SAA4: variants seen among roughly 807,000 people sequenced by gnomAD.
SAA4 encodes the protein serum amyloid A-4 protein.
A neutral mutation model predicts 11.2 loss-of-function variants in SAA4; 8 were observed. That is an observed-to-expected ratio of 0.71 (90% CI 0.42 to 1.29). The LOEUF (loss-of-function observed/expected upper bound fraction) is 1.29. Among genes scored for constraint, SAA4 ranks in the 50% most tolerant of loss-of-function variants. The pLI is 0.01. For synonymous variants in SAA4, 60 were observed against 56.2 expected (o/e 1.07, Z -0.30); for missense variants, 171 against 164.2 (o/e 1.04, Z -0.23).
At chr11:18,233,662 A>G (rs1418488489) in intron 2 of SAA4, among the ~76,000 whole-genome samples, 1 of 149,058 alleles carries the variant, frequency 6.7e-6, no homozygotes, top group Non-Finnish European at 1.5e-5. Context: ...CAGGCACCTA[A>G]TAACACACCC....
chr11:18,235,449 CTCTCT>C lies in SAA4; in HGVS notation c.91+382_91+386del, dbSNP rs548308964. On this transcript the variant is annotated intron_variant, in intron 2 of 3. Coordinates refer to ENST00000278222, the MANE Select transcript of SAA4 (RefSeq NM_006512.4). The stretch of plus-strand genomic sequence containing the variant: ...TTGGGTACAGGATGGGATTTCTCTA[CTCTCT>C]GCTAGGCATGTCTCAGTCTTGGAGT... 1.1e-4 allele frequency among the ~76,000 whole-genome samples: 17 copies of C among 152,324 alleles called. No individual in the cohort carries two copies. In the East Asian group the frequency reaches 3.3e-3, roughly 29 times the overall value.
Position 18,231,413 on chromosome 11 carries a change from C to A in SAA4, c.*89G>T. 1 of 1,537,166 alleles carries A rather than the reference C, an allele frequency of 6.5e-7. No homozygotes were observed. The highest frequency in any genetic ancestry group is 1.3e-5 in the South Asian group (1 of 77,562). On this transcript the variant is annotated 3_prime_UTR_variant, in exon 4 of 4. Coordinates refer to ENST00000278222, the MANE Select transcript of SAA4 (RefSeq NM_006512.4). ...GGTGCCCTATACCAGTTCCTGGGGA[C>A]ACAAAGCTCAGTGACCCTGTGTCCC...
intron 2 of SAA4, among the ~76,000 whole-genome samples, chr11:18,233,678 A>ATTTTT: frequency 7.1e-6 from 1 of 140,684 alleles, no homozygotes; most frequent in African/African-American, 2.6e-5. Flanking sequence ...CACCCAGCTA[A>ATTTTT]TTTTTTTTTT....
intron 1 of SAA4, 132 bp from the exon 2 acceptor site, chr11:18,236,062 CTCCCTTTCTTTCTTTCT>C (rs1394183784): frequency 9.5e-6 from 9 of 944,784 alleles, no homozygotes; most frequent in Non-Finnish European, 1.4e-5. Flanking sequence ...TCTTTCTTTC[CTCCCTTTCTTTCTTTCT>C]TTTTTTTTTC....
At chr11:18,235,028 C>T (rs1307555119) in intron 2 of SAA4, among the ~76,000 whole-genome samples, 1 of 152,126 alleles carries the variant, frequency 6.6e-6, no homozygotes, top group Non-Finnish European at 1.5e-5. Flanking sequence ...ATACACTGAC[C>T]TAAGGGAAAA....
intron 3 of SAA4, among the ~76,000 whole-genome samples, 159 bp downstream of exon 3, chr11:18,232,236 G>T (rs528837532): frequency 1.8e-4 from 27 of 152,226 alleles, no homozygotes; most frequent in Non-Finnish European, 1.9e-4. Context: ...TCCCTTGTGG[G>T]TGAAAGGAGA....
Position 18,231,459 on chromosome 11 carries a change from T to G in SAA4, c.*43A>C. 1 of 1,593,488 alleles carries G rather than the reference T, an allele frequency of 6.3e-7. No homozygotes were observed. Among genetic ancestry groups the G allele is most frequent in the East Asian group, 2.2e-5 (1 of 44,822 alleles). On this transcript the variant is annotated 3_prime_UTR_variant, in exon 4 of 4. Coordinates refer to ENST00000278222, the MANE Select transcript of SAA4 (RefSeq NM_006512.4). ...GTCCCTGTCTGGGGGGAGAAGTGTG[T>G]GGCTCACAGCCCAGTTTCCCTGAGA...
intron 1 of SAA4, 97 bp from the exon 2 acceptor site, chr11:18,236,027 TC>T: frequency 8.1e-7 from 1 of 1,227,532 alleles, no homozygotes; most frequent in African/African-American, 1.6e-5. Context: ...TTTCTTTTTT[TC>T]CTTTTCTTTC....
rs146072546 is a variant in SAA4 at position 18,231,540 on chromosome 11, C to G, written c.355G>C (p.Asp119His). Residue 119 changes from aspartate to histidine, a missense_variant, in exon 4 of 4, where the codon GAC becomes CAC. Transcript: ENST00000278222. Reference sequence around the variant, plus strand: ...GGCAGGCCGTCAGGTCTGAAGCGGTCGGGGTCTTTGCCACTCCGGCCCCAT... The same window carrying G: ...GGCAGGCCGTCAGGTCTGAAGCGGTGGGGGTCTTTGCCACTCCGGCCCCAT... The part of the protein sequence containing the change: ...EEWGRSGKDP[D>H]RFRPDGLPKK... The G allele has an allele frequency of 1.7e-5, 27 of 1,613,828 alleles. No individual in the cohort carries two copies. The highest frequency in any genetic ancestry group is 1.3e-4 in the East Asian group (6 of 44,886).
chr11:18,233,748 C>T (rs915229577), intron 2 of SAA4, among the ~76,000 whole-genome samples: 1 of 151,202 alleles, frequency 6.6e-6, no homozygotes, highest in Non-Finnish European at 1.5e-5. Flanking sequence ...CTCCTGGCCT[C>T]AAGTGATCCT....
rs1299947792 is a variant in SAA4 at position 18,232,384 on chromosome 11, A to T, written c.230+11T>A. On this transcript the variant is annotated intron_variant, in intron 3 of 3. Coordinates refer to ENST00000278222, the MANE Select transcript of SAA4 (RefSeq NM_006512.4). ...TGGCCTCTCACTGGAGTCCCCGGGA[A>T]TCTGTGTTACCTGATGAGTTTAGCA... 2 of 1,613,350 alleles carry T rather than the reference A, an allele frequency of 1.2e-6. No homozygotes were observed. Among genetic ancestry groups the T allele is most frequent in the African/African-American group, 2.7e-5 (2 of 74,912 alleles).
At position 18,232,723 on chromosome 11, in the gene SAA4, T is replaced by C. The variant is rs7932331; in HGVS notation, c.92-190A>G. Among the ~76,000 whole-genome samples, 1,146 of 152,348 alleles carry C rather than the reference T, an allele frequency of 7.5e-3. 18 individuals are homozygous for C. The highest frequency in any genetic ancestry group is 0.026 in the African/African-American group (1,086 of 41,570). ...TGTAAGGAAGGTGCTTTTCCATGGA[T>C]TACATTGAATTGTATTGGTTGGCAG... On this transcript the variant is annotated intron_variant, in intron 2 of 3. Transcript: ENST00000278222.
rs549114647 is a variant in SAA4 at position 18,234,954 on chromosome 11, A to C, written c.91+882T>G. Among the ~76,000 whole-genome samples the C allele has an allele frequency of 2.6e-5, 4 of 152,334 alleles. No homozygotes were observed. The East Asian group carries it at 7.7e-4, about 29-fold the overall frequency. ...CAGTAACTATGAGAAGAGGCTTCAG[A>C]GTGTACTTTTAAAACAAACACCGGC... is the stretch of plus-strand genomic sequence containing the variant. On this transcript the variant is annotated intron_variant, in intron 2 of 3. Coordinates refer to ENST00000278222, the MANE Select transcript of SAA4 (RefSeq NM_006512.4).
At chr11:18,236,408 T>G (rs1474138853) in intron 1 of SAA4, among the ~76,000 whole-genome samples, 2 of 152,160 alleles carry the variant, frequency 1.3e-5, no homozygotes, top group African/African-American at 4.8e-5. Flanking sequence ...TTTGTTTGTA[T>G]GAGAATCATA....
Position 18,235,729 on chromosome 11 carries a change from T to C in SAA4, c.91+107A>G, listed in dbSNP as rs1301934422. On this transcript the variant is annotated intron_variant, in intron 2 of 3. Transcript: ENST00000278222. Reference sequence around the variant, plus strand: ...CAGATACAGAAAACCACACTCCTGCTCTGACCTCTGTGTGGCTTCTCTAAG... The same window carrying C: ...CAGATACAGAAAACCACACTCCTGCCCTGACCTCTGTGTGGCTTCTCTAAG... 5 of 1,098,120 alleles carry C rather than the reference T, an allele frequency of 4.6e-6. No homozygotes were observed. In the Admixed American group the frequency reaches 8.6e-5, roughly 19 times the overall value. 68.0% of individuals were successfully genotyped at this position (1,098,120 alleles called of 1,614,324 possible). A position where few individuals can be genotyped will look rare whatever the true frequency, so the allele number is the denominator to read the frequency against.
intron 1 of SAA4, 28 bp from the exon 2 acceptor site, chr11:18,235,958 G>C: frequency 1.1e-5 from 17 of 1,564,328 alleles, no homozygotes; most frequent in Non-Finnish European, 1.5e-5. Context: ...CAGGGGCAGA[G>C]GATCATAAAA....
Position 18,232,449 on chromosome 11 carries a change from T to C in SAA4, c.176A>G (p.Asn59Ser). 1.9e-6 allele frequency: 3 copies of C among 1,614,182 alleles called. No individual in the cohort carries two copies. The highest frequency in any genetic ancestry group is 2.5e-6 in the Non-Finnish European group (3 of 1,180,038). Residue 59 changes from asparagine (N) to serine (S), a missense_variant, in exon 3 of 4, where the codon AAC becomes AGC. Physicochemically the swap from Asn to Ser is conservative, Grantham distance 46. Transcript: ENST00000278222. The part of the protein sequence containing the change: ...NSNRYLYARG[N>S]YDAAQRGPGG... Reference sequence around the variant, plus strand: ...AGGTCCTCTTTGGGCAGCATCATAGTTTCCCCGAGCATAGAGATATCTGTT... The same window carrying C: ...AGGTCCTCTTTGGGCAGCATCATAGCTTCCCCGAGCATAGAGATATCTGTT...
At chr11:18,233,571 G>A (rs1272341240) in intron 2 of SAA4, among the ~76,000 whole-genome samples, 2 of 152,142 alleles carry the variant, frequency 1.3e-5, no homozygotes, top group African/African-American at 4.8e-5. Context: ...GAGTGCAGTG[G>A]TGTGATCATG....
intron 2 of SAA4, among the ~76,000 whole-genome samples, chr11:18,234,993 G>C (rs1255990029): frequency 6.6e-6 from 1 of 152,142 alleles, no homozygotes. Flanking sequence ...TTTAAATGCT[G>C]GTGGACCATA....
Sources: allele counts gnomAD v4.1 joint callset (sites outside exome capture counted in the v4.1 genomes callset), GRCh38; gene constraint gnomAD v4.1.1; transcripts MANE v1.5; gene names NCBI Gene and HGNC (gene_info 2026-07-23, HGNC 2026-07-21).